MCHR2: variants seen among roughly 807,000 people sequenced by gnomAD.
The protein encoded by MCHR2 is melanin-concentrating hormone receptor 2.
In MCHR2, 15 loss-of-function variants were observed where a neutral mutation model predicts 24.8. The observed-to-expected ratio is 0.60, with a 90% CI of 0.40 to 0.93. The LOEUF (loss-of-function observed/expected upper bound fraction) is 0.93, where lower values mean the gene tolerates loss of function less well. Ranked by LOEUF, MCHR2 falls within the 40% of genes least tolerant of loss-of-function variation. The pLI is 0.00. For synonymous variants in MCHR2, 151 were observed against 147.6 expected (o/e 1.02, Z -0.17); for missense variants, 386 against 408.7 (o/e 0.94, Z 0.48).
In MCHR2 at chr6:99,956,161, T is replaced by G. The variant is rs202126310; in HGVS notation, c.-14A>C. The G allele has an allele frequency of 5.0e-6, 8 of 1,602,016 alleles. No individual in the cohort carries two copies. In the African/African-American group the frequency reaches 8.0e-5, roughly 16 times the overall value. ...AAATGGATTCATTGTTCGTGGACTT[T>G]CCAGGGATTAAAGCTGTGAAGTAAT... On this transcript the variant is annotated 5_prime_UTR_variant, in exon 2 of 6. Transcript: ENST00000281806.
rs202052006 is a variant in MCHR2 at position 99,921,106 on chromosome 6, A to G, written c.857T>C (p.Val286Ala). The change falls in exon 6 of 6, where the codon GTG (valine) becomes GCG (alanine). Residue 286 changes from valine (V) to alanine (A), a missense_variant. Val to Ala is a moderately conservative substitution (Grantham distance 64). Coordinates refer to ENST00000281806, the MANE Select transcript of MCHR2 (RefSeq NM_001040179.2). Reference sequence around the variant, plus strand: ...GAGACAGATGGAGAGGTAATAACCCACATAGAAGGCCAGTGTGGGCTGTTC... The same window carrying G: ...GAGACAGATGGAGAGGTAATAACCCGCATAGAAGGCCAGTGTGGGCTGTTC... ...QMEQPTLAFYVGYYLSICLSY... is the reference protein window; with the variant it reads ...QMEQPTLAFYAGYYLSICLSY... 11 of 1,614,226 alleles carry G rather than the reference A, an allele frequency of 6.8e-6. No homozygotes were observed. The highest frequency in any genetic ancestry group is 9.3e-6 in the Non-Finnish European group (11 of 1,180,028).
intron 1 of MCHR2, among the ~76,000 whole-genome samples, chr6:99,973,492 T>A (rs1775478808): frequency 1.3e-5 from 2 of 152,170 alleles, no homozygotes; most frequent in South Asian, 2.1e-4. Flanking sequence ...AATACAGCAC[T>A]CTGATGGGTC....
At chr6:99,943,234 C>G (rs886559408) in intron 3 of MCHR2, 91 bp from the exon 4 acceptor site, 2 of 950,236 alleles carry the variant, frequency 2.1e-6, no homozygotes, top group Admixed American at 5.9e-5. Context: ...AAATTCTTAG[C>G]ATTATTTTCC....
At chr6:99,921,287 T>A (rs1268412593) in intron 5 of MCHR2, 32 bp from the exon 6 acceptor site, 12 of 1,587,040 alleles carry the variant, frequency 7.6e-6, no homozygotes, top group Non-Finnish European at 8.6e-6. Flanking sequence ...AGACAGGGTA[T>A]AAACAACCAT....
At chr6:99,948,372 C>T (rs2114530185) in intron 2 of MCHR2, among the ~76,000 whole-genome samples, 1 of 152,188 alleles carries the variant, frequency 6.6e-6, no homozygotes, top group African/African-American at 2.4e-5. Context: ...TGGTAGCCGG[C>T]TACCATCTTG....
At chr6:99,933,818 G>A (rs976959453) in intron 5 of MCHR2, among the ~76,000 whole-genome samples, 3 of 151,950 alleles carry the variant, frequency 2.0e-5, no homozygotes, top group Non-Finnish European at 4.4e-5. Flanking sequence ...GTAGATTGTG[G>A]AATACACAAT....
At chr6:99,922,017 A>G (rs967885632) in intron 5 of MCHR2, among the ~76,000 whole-genome samples, 10 of 151,882 alleles carry the variant, frequency 6.6e-5, no homozygotes, top group African/African-American at 1.9e-4. Context: ...ATTTTTATCT[A>G]TTGATCTGTT....
chr6:99,962,863 A>G lies in MCHR2; in HGVS notation c.-27-6689T>C, dbSNP rs147889550. ...AATTCTGATAAATGGTTAATACCCAAATTATAGAAGGAACTCCTATAACTT... is the reference window on the plus strand; with the variant it reads ...AATTCTGATAAATGGTTAATACCCAGATTATAGAAGGAACTCCTATAACTT... On this transcript the variant is annotated intron_variant, in intron 1 of 5. Coordinates refer to ENST00000281806, the MANE Select transcript of MCHR2 (RefSeq NM_001040179.2). Among the ~76,000 whole-genome samples the G allele has an allele frequency of 8.2e-3, 1,241 of 152,198 alleles. 18 individuals are homozygous for G. Among genetic ancestry groups the G allele is most frequent in the African/African-American group, 0.029 (1,192 of 41,544 alleles).
intron 1 of MCHR2, among the ~76,000 whole-genome samples, chr6:99,971,522 T>A (rs1775419675): frequency 6.6e-6 from 1 of 152,200 alleles, no homozygotes; most frequent in Non-Finnish European, 1.5e-5. Flanking sequence ...ACAATTTGAC[T>A]TCCTCTTTTC....
chr6:99,982,758 G>A (rs778399084), intron 1 of MCHR2, among the ~76,000 whole-genome samples: 10 of 152,062 alleles, frequency 6.6e-5, no homozygotes, highest in Non-Finnish European at 1.5e-4. Context: ...TCTGATGCAG[G>A]CTGATCAAAT....
intron 4 of MCHR2, among the ~76,000 whole-genome samples, chr6:99,941,888 C>T (rs769034234): frequency 1.4e-4 from 21 of 151,938 alleles, no homozygotes; most frequent in African/African-American, 4.1e-4. Flanking sequence ...GGTCCTTTAC[C>T]GCCATCTTTC....
chr6:99,943,489 C>G (rs556589675), intron 3 of MCHR2, among the ~76,000 whole-genome samples: 1 of 151,682 alleles, frequency 6.6e-6, no homozygotes, highest in South Asian at 2.1e-4. Flanking sequence ...TCTCCCCTCC[C>G]CCAACCCCAC....
chr6:99,986,814 G>A (rs1437904534), intron 1 of MCHR2, among the ~76,000 whole-genome samples: 2 of 150,462 alleles, frequency 1.3e-5, no homozygotes, highest in African/African-American at 2.4e-5. Flanking sequence ...TATATACATG[G>A]ACCCTTAAGT....
At chr6:99,946,930 A>T (rs922551926) in intron 3 of MCHR2, among the ~76,000 whole-genome samples, 3 of 152,080 alleles carry the variant, frequency 2.0e-5, no homozygotes, top group African/African-American at 7.2e-5. Flanking sequence ...GCATCTGGAT[A>T]ATGCAGGGCA....
At chr6:99,924,968 G>T (rs1774319225) in intron 5 of MCHR2, among the ~76,000 whole-genome samples, 2 of 152,028 alleles carry the variant, frequency 1.3e-5, no homozygotes, top group Admixed American at 6.6e-5. Flanking sequence ...TTTTCTGGCT[G>T]GAAGATTTGT....
chr6:99,934,173 A>G (rs1289781790), intron 5 of MCHR2, among the ~76,000 whole-genome samples: 1 of 152,130 alleles, frequency 6.6e-6, no homozygotes, highest in Non-Finnish European at 1.5e-5. Flanking sequence ...TATGCATTTT[A>G]ATGAAACCAT....
chr6:99,987,137 G>A (rs542978977), intron 1 of MCHR2, among the ~76,000 whole-genome samples: 1 of 151,906 alleles, frequency 6.6e-6, no homozygotes, highest in East Asian at 1.9e-4. Flanking sequence ...GTCTTGCTCT[G>A]CTGCCCAGGG....
rs550155702 is a variant in MCHR2 at position 99,943,238 on chromosome 6, A to G, written c.393-95T>C. 220 of 924,560 alleles carry G rather than the reference A, an allele frequency of 2.4e-4. 1 individual carries two copies. The highest frequency in any genetic ancestry group is 3.1e-4 in the Non-Finnish European group (206 of 664,100). The allele number at this position is 924,560 out of a possible 1,614,324, so 57.3% of individuals were successfully genotyped here. A position where few individuals can be genotyped will look rare whatever the true frequency, so the allele number is the denominator to read the frequency against. The stretch of plus-strand genomic sequence containing the variant: ...ATGATGAGAGTAAATTCTTAGCATT[A>G]TTTTCCTTTCTGAAGCACACCTCTA... On this transcript the variant is annotated intron_variant, in intron 3 of 5. Transcript: ENST00000281806.
intron 1 of MCHR2, among the ~76,000 whole-genome samples, chr6:99,984,023 T>G (rs1488312251): frequency 3.3e-5 from 5 of 152,162 alleles, no homozygotes; most frequent in African/African-American, 1.2e-4. Context: ...ATTTGGGATG[T>G]CTTTGCTAGT....
Sources: allele counts gnomAD v4.1 joint callset (sites outside exome capture counted in the v4.1 genomes callset), GRCh38; gene constraint gnomAD v4.1.1; transcripts MANE v1.5; gene names NCBI Gene and HGNC (gene_info 2026-07-23, HGNC 2026-07-21).